Variants in SPTBN1 observed in about 807,000 individuals in gnomAD.
The protein encoded by SPTBN1 is spectrin beta, non-erythrocytic 1.
A neutral mutation model predicts 266.4 loss-of-function variants in SPTBN1; 32 were observed. The observed-to-expected ratio is 0.12, with a 90% CI of 0.09 to 0.16. SPTBN1 has a LOEUF of 0.16. Among genes scored for constraint, SPTBN1 ranks in the 10% least tolerant of loss-of-function variants. The pLI is 1.00. For missense variants in SPTBN1, 2,296 were observed against 3,067.1 expected (o/e 0.75, Z 5.94); for synonymous variants, 1,336 against 1,162.2 (o/e 1.15, Z -3.04).
intron 35 of SPTBN1, 43 bp downstream of exon 35, chr2:54,667,689 G>A: frequency 8.3e-6 from 13 of 1,572,024 alleles, no homozygotes; most frequent in Non-Finnish European, 1.1e-5. Flanking sequence ...TTAGGAGTTT[G>A]CAAGTGTTTG....
At chr2:54,614,796 CAAA>C (rs112685418) in intron 4 of SPTBN1, among the ~76,000 whole-genome samples, 1 of 119,530 alleles carries the variant, frequency 8.4e-6, no homozygotes, top group Admixed American at 8.4e-5. Flanking sequence ...GAGACTGTCT[CAAA>C]AAAAAAAAAA....
chr2:54,618,171 C>T lies in SPTBN1; in HGVS notation c.741C>T (p.Leu247=), dbSNP rs1365444016. The T allele has an allele frequency of 6.2e-7, 1 of 1,614,040 alleles. No homozygotes were observed. The highest frequency in any genetic ancestry group is 8.5e-7 in the Non-Finnish European group (1 of 1,180,002). ...ATCTGGCAGAACAGCACCTCGGCCT[C>T]ACTAAACTGTTGGACCCCGAAGGTA... ...AFNLAEQHLG[L]TKLLDPEDIS... is the part of the protein sequence containing the mutation. The change falls in exon 7 of 36, where the codon CTC becomes CTT. Residue 247 remains leucine, a synonymous_variant. Coordinates refer to ENST00000356805, the MANE Select transcript of SPTBN1 (RefSeq NM_003128.3).
Position 54,665,984 on chromosome 2 carries a change from T to G in SPTBN1, c.6729T>G (p.Ala2243=). ...GTTTCTACAAAGATGCAAAGACTGC[T>G]GCTTCTGGAATTCCCTACCACAGCG... ...EMGFYKDAKT[A]ASGIPYHSEV... The change falls in exon 34 of 36, where the codon GCT becomes GCG. Residue 2243 remains alanine (A), a synonymous_variant. Coordinates refer to ENST00000356805, the MANE Select transcript of SPTBN1 (RefSeq NM_003128.3). The G allele has an allele frequency of 6.2e-7, 1 of 1,614,212 alleles. No homozygotes were observed.
chr2:54,465,874 A>G (rs920761565), intron 1 of SPTBN1, among the ~76,000 whole-genome samples: 1 of 152,008 alleles, frequency 6.6e-6, no homozygotes, highest in Non-Finnish European at 1.5e-5. Context: ...CCAAGTCTCT[A>G]AGTGTGTTGG....
At chr2:54,587,796 T>C (rs1006106527) in intron 2 of SPTBN1, among the ~76,000 whole-genome samples, 7 of 152,022 alleles carry the variant, frequency 4.6e-5, no homozygotes, top group African/African-American at 1.7e-4. Flanking sequence ...GGTGGCACAC[T>C]CCATCCCGTA....
At chr2:54,631,834 G>A (rs904681995) in intron 16 of SPTBN1, among the ~76,000 whole-genome samples, 7 of 152,278 alleles carry the variant, frequency 4.6e-5, no homozygotes, top group Non-Finnish European at 7.3e-5. Context: ...GCCTTACAAA[G>A]TACTGTTTGA....
In SPTBN1 at chr2:54,588,022, T is replaced by A. The variant is rs142410899; in HGVS notation, c.149-11070T>A. ...ACTTAGTACCTATTTGCTAAGCTGATTTTAATTTGAAGTGGAGTCTAACAA... is the reference window on the plus strand; with the variant it reads ...ACTTAGTACCTATTTGCTAAGCTGAATTTAATTTGAAGTGGAGTCTAACAA... On this transcript the variant is annotated intron_variant, in intron 2 of 35. Transcript: ENST00000356805. Among the ~76,000 whole-genome samples the A allele has an allele frequency of 1.8e-3, 276 of 152,314 alleles. 1 individual carries two copies. The highest frequency in any genetic ancestry group is 3.2e-3 in the Non-Finnish European group (218 of 68,024).
intron 17 of SPTBN1, among the ~76,000 whole-genome samples, chr2:54,634,766 C>A (rs149017567): frequency 6.6e-6 from 1 of 152,226 alleles, no homozygotes; most frequent in Non-Finnish European, 1.5e-5. Flanking sequence ...AATGTGCTTA[C>A]GTTCAGGAAG....
intron 1 of SPTBN1, among the ~76,000 whole-genome samples, chr2:54,506,188 G>A: frequency 6.6e-6 from 1 of 152,094 alleles, no homozygotes; most frequent in East Asian, 1.9e-4. Context: ...CTGTATGTGT[G>A]CTTGAATAAT....
chr2:54,607,900 A>G (rs77637297), intron 3 of SPTBN1, among the ~76,000 whole-genome samples: 2 of 152,302 alleles, frequency 1.3e-5, no homozygotes, highest in East Asian at 3.9e-4. Flanking sequence ...AGTGAAAAAT[A>G]ATAATCTGAG....
At chr2:54,471,709 G>C (rs1286461713) in intron 1 of SPTBN1, among the ~76,000 whole-genome samples, 1 of 151,426 alleles carries the variant, frequency 6.6e-6, no homozygotes, top group Non-Finnish European at 1.5e-5. Context: ...AATAGCTGCA[G>C]GTTAACAAAT....
chr2:54,607,734 G>A (rs1676942861), intron 3 of SPTBN1, among the ~76,000 whole-genome samples: 1 of 152,082 alleles, frequency 6.6e-6, no homozygotes, highest in African/African-American at 2.4e-5. Flanking sequence ...GGTATCATTG[G>A]GGGTCCTGGA....
At chr2:54,495,679 T>TTTTTTTTTTTTTTTTATTATACTC (rs1279259203) in intron 1 of SPTBN1, among the ~76,000 whole-genome samples, 1 of 142,988 alleles carries the variant, frequency 7.0e-6, no homozygotes, top group Non-Finnish European at 1.5e-5. Context: ...GCATGTGTTT[T>TTTTTTTTTTTTTTTTATTATACTC]TACCTTTATT....
intron 2 of SPTBN1, among the ~76,000 whole-genome samples, chr2:54,595,219 A>C (rs1212828162): frequency 6.6e-6 from 1 of 152,236 alleles, no homozygotes; most frequent in African/African-American, 2.4e-5. Flanking sequence ...CACTCTGGGC[A>C]CTTTGATGTG....
intron 3 of SPTBN1, among the ~76,000 whole-genome samples, chr2:54,606,964 G>C (rs1676884040): frequency 6.6e-6 from 1 of 152,170 alleles, no homozygotes; most frequent in African/African-American, 2.4e-5. Context: ...TCGTTAGATT[G>C]CTTGATTTTG....
intron 10 of SPTBN1, 105 bp from the exon 11 acceptor site, chr2:54,624,699 G>C: frequency 6.7e-7 from 1 of 1,502,400 alleles, no homozygotes; most frequent in Admixed American, 2.1e-5. Context: ...CATTCAAGCT[G>C]TCAGGTCCTT....
In SPTBN1 at chr2:54,558,621, C is replaced by G; in HGVS notation, c.148+32055C>G. ...GAGCTAAGGTGGACTCTCTTGCAGC[C>G]AACTTCCCATCAGATCACCCTGCTG... On this transcript the variant is annotated intron_variant, in intron 2 of 35. Coordinates refer to ENST00000356805, the MANE Select transcript of SPTBN1 (RefSeq NM_003128.3). This position sits in a 1 kb window ranked among gnomAD's most constrained non-coding sequence, Gnocchi z 4.6. The G allele has an allele frequency of 6.2e-6, 9 of 1,447,068 alleles. No homozygotes were observed. Among genetic ancestry groups the G allele is most frequent in the Non-Finnish European group, 7.3e-6 (8 of 1,098,918 alleles). The allele number at this position is 1,447,068 out of a possible 1,614,324, so 89.6% of individuals were successfully genotyped here. A position where few individuals can be genotyped will look rare whatever the true frequency, so the allele number is the denominator to read the frequency against.
intron 3 of SPTBN1, among the ~76,000 whole-genome samples, chr2:54,603,710 G>A (rs1236938990): frequency 2.0e-5 from 3 of 152,190 alleles, no homozygotes; most frequent in African/African-American, 7.2e-5. Context: ...CTAGTGTGAA[G>A]TGAGTTTGGC....
chr2:54,459,404 G>T (rs1693240053), intron 1 of SPTBN1, among the ~76,000 whole-genome samples: 1 of 152,214 alleles, frequency 6.6e-6, no homozygotes, highest in African/African-American at 2.4e-5. Context: ...GAGTTTCCTG[G>T]AAGGGTTTGT....
Sources: allele counts gnomAD v4.1 joint callset (sites outside exome capture counted in the v4.1 genomes callset), GRCh38; gene constraint gnomAD v4.1.1; non-coding constraint Gnocchi (gnomAD v3.1); transcripts MANE v1.5; gene names NCBI Gene and HGNC (gene_info 2026-07-23, HGNC 2026-07-21).